PRKAG2: variants seen among roughly 807,000 people sequenced by gnomAD.
PRKAG2 encodes the protein 5'-AMP-activated protein kinase subunit gamma-2.
Under a neutral mutation model 69.6 loss-of-function variants are expected in PRKAG2, and 26 were observed. The observed-to-expected ratio is 0.37, with a 90% CI of 0.27 to 0.52. PRKAG2 has a LOEUF of 0.52. PRKAG2 is among the 20% of genes least tolerant of loss of function. PRKAG2 has a pLI of 0.90. For synonymous variants in PRKAG2, 293 were observed against 285.0 expected, an observed-to-expected ratio of 1.03 and a Z score of -0.28; for missense variants, 557 against 740.0, an observed-to-expected ratio of 0.75 and a Z score of 2.87.
intron 1 of PRKAG2, among the ~76,000 whole-genome samples, chr7:151,816,417 T>G (rs1042700595): frequency 6.6e-6 from 1 of 152,156 alleles, no homozygotes; most frequent in African/African-American, 2.4e-5. Context: ...ATATTCTGTG[T>G]CAACAACCCA....
At chr7:151,810,077 T>A (rs539022380) in intron 1 of PRKAG2, 1 of 152,246 alleles carries the variant, frequency 6.6e-6, no homozygotes, top group African/African-American at 2.4e-5. Flanking sequence ...AAGATAATAT[T>A]TTGTTTCCTT....
intron 1 of PRKAG2, among the ~76,000 whole-genome samples, chr7:151,865,242 C>T (rs1226483734): frequency 6.6e-6 from 1 of 152,228 alleles, no homozygotes; most frequent in Non-Finnish European, 1.5e-5. Flanking sequence ...GGACACACGG[C>T]CCAGTTGTCC....
rs2078593288 is a variant in PRKAG2, at chr7:151,814,822, G to A, written c.115-28281C>T. 1 of 1,231,850 alleles carries A rather than the reference G, an allele frequency of 8.1e-7. No homozygotes were observed. The highest frequency in any genetic ancestry group is 1.0e-6 in the Non-Finnish European group (1 of 988,028). 76.3% of individuals were successfully genotyped at this position (1,231,850 alleles called of 1,614,324 possible). ...GGCAGATTCCCCCATTGACGGGACT[G>A]CAGCAAACTGTCATTCCCACCTGTG... On this transcript the variant is annotated intron_variant, in intron 1 of 15. Transcript: ENST00000287878. The surrounding 1 kb of genome is among the most constrained non-coding windows in gnomAD (Gnocchi z 4.8).
intron 5 of PRKAG2, among the ~76,000 whole-genome samples, chr7:151,609,331 G>A (rs796735261): frequency 1.4e-4 from 21 of 152,224 alleles, no homozygotes; most frequent in African/African-American, 5.1e-4. Context: ...GTTGTAAGAC[G>A]GTGTAATTCT....
chr7:151,755,931 C>T (rs2151746948), intron 3 of PRKAG2, among the ~76,000 whole-genome samples: 1 of 152,318 alleles, frequency 6.6e-6, no homozygotes. Flanking sequence ...CACCTGTGCA[C>T]ACCATGAGGT....
chr7:151,874,153 TATG>T (rs1231800224), intron 1 of PRKAG2, among the ~76,000 whole-genome samples: 1 of 133,450 alleles, frequency 7.5e-6, no homozygotes. Context: ...TGTATATGTA[TATG>T]ATGTATATGT....
rs1239992123 is a variant in PRKAG2, at chr7:151,807,332, A to G, written c.115-20791T>C. On this transcript the variant is annotated intron_variant, in intron 1 of 15. Coordinates refer to ENST00000287878, the MANE Select transcript of PRKAG2 (RefSeq NM_016203.4). The surrounding 1 kb of genome is among the most constrained non-coding windows in gnomAD (Gnocchi z 4.4). ...CTACAGAACGTGGGAAAATGCCTAT[A>G]TTAAGAATCCTGGAATACTCCATGT... is the stretch of plus-strand genomic sequence containing the variant. 3 of 438,418 alleles carry G rather than the reference A, an allele frequency of 6.8e-6. No homozygotes were observed. The highest frequency in any genetic ancestry group is 2.4e-5 in the Admixed American group (1 of 41,614). The allele number at this position is 438,418 out of a possible 1,614,324, so 27.2% of individuals were successfully genotyped here.
chr7:151,806,060 C>T (rs1228604909), intron 1 of PRKAG2, among the ~76,000 whole-genome samples: 1 of 152,144 alleles, frequency 6.6e-6, no homozygotes, highest in Non-Finnish European at 1.5e-5. Context: ...GTGGTGGTGG[C>T]CGCCTGTAGT....
chr7:151,785,185 C>G lies in PRKAG2; in HGVS notation c.186+1285G>C, dbSNP rs374425789. On this transcript the variant is annotated intron_variant, in intron 2 of 15. Transcript: ENST00000287878. ...GCGGAGCAGAGCTCTGCCTATGGGG[C>G]CATTTGTCATGCAGCTGCCAGAGAG... Among the ~76,000 whole-genome samples, 13 of 152,386 alleles carry G rather than the reference C, an allele frequency of 8.5e-5. No individual in the cohort carries two copies. The East Asian group carries it at 2.1e-3, about 25-fold the overall frequency.
chr7:151,575,629 CA>C (rs750783903), intron 7 of PRKAG2, among the ~76,000 whole-genome samples: 3 of 152,132 alleles, frequency 2.0e-5, no homozygotes, highest in Non-Finnish European at 4.4e-5. Flanking sequence ...GTCATGTTTA[CA>C]GCATCTAATT....
chr7:151,563,871 C>T (rs570060761), intron 14 of PRKAG2, among the ~76,000 whole-genome samples: 1 of 152,328 alleles, frequency 6.6e-6, no homozygotes, highest in South Asian at 2.1e-4. Context: ...AGGACTTTTC[C>T]ATTCAATTCA....
At chr7:151,876,467 A>C in intron 1 of PRKAG2, 40 bp downstream of exon 1, 1 of 1,564,976 alleles carries the variant, frequency 6.4e-7, no homozygotes, top group East Asian at 2.3e-5. Flanking sequence ...CGGGAGCGAC[A>C]GGAGGGCTGG....
At chr7:151,691,579 A>T (rs1428687682) in intron 3 of PRKAG2, among the ~76,000 whole-genome samples, 3 of 152,186 alleles carry the variant, frequency 2.0e-5, no homozygotes, top group African/African-American at 7.2e-5. Flanking sequence ...CACCATCATT[A>T]ATCTTTAGGG....
chr7:151,810,469 G>A (rs1015144160), intron 1 of PRKAG2: 1 of 152,242 alleles, frequency 6.6e-6, no homozygotes, highest in African/African-American at 2.4e-5. Context: ...AAAAGAAAAG[G>A]AAAGCCAAGT....
At chr7:151,700,918 C>T (rs978328271) in intron 3 of PRKAG2, among the ~76,000 whole-genome samples, 6 of 152,246 alleles carry the variant, frequency 3.9e-5, no homozygotes, top group East Asian at 1.9e-4. Flanking sequence ...CCGGGAAATC[C>T]GAGCAGGGAT....
chr7:151,819,534 C>T (rs895751845), intron 1 of PRKAG2, among the ~76,000 whole-genome samples: 1 of 152,204 alleles, frequency 6.6e-6, no homozygotes, highest in African/African-American at 2.4e-5. Flanking sequence ...CCCCCTGCCC[C>T]TCCCTGGGTA....
chr7:151,798,899 C>T (rs1226786245), intron 1 of PRKAG2, among the ~76,000 whole-genome samples: 1 of 152,126 alleles, frequency 6.6e-6, no homozygotes, highest in Non-Finnish European at 1.5e-5. Flanking sequence ...GATTCCCTCC[C>T]TCCTCACCTC....
In PRKAG2 at chr7:151,632,223, G is replaced by T; in HGVS notation, c.685-85C>A. On this transcript the variant is annotated intron_variant, in intron 4 of 15. Coordinates refer to ENST00000287878, the MANE Select transcript of PRKAG2 (RefSeq NM_016203.4). This position sits in a 1 kb window ranked among gnomAD's most constrained non-coding sequence, Gnocchi z 4.2. ...GGGCTCGCGGCCGGCCGAGCGCTGG[G>T]GCCTGGCTCTGCCGCGCCGCCGGGA... The T allele has an allele frequency of 9.0e-7, 1 of 1,114,024 alleles. No homozygotes were observed. Among genetic ancestry groups the T allele is most frequent in the East Asian group, 4.7e-5 (1 of 21,190 alleles). The allele number at this position is 1,114,024 out of a possible 1,614,324, so 69.0% of individuals were successfully genotyped here. A position where few individuals can be genotyped will look rare whatever the true frequency, so the allele number is the denominator to read the frequency against.
intron 3 of PRKAG2, among the ~76,000 whole-genome samples, chr7:151,775,108 G>A (rs970018873): frequency 2.6e-5 from 4 of 152,254 alleles, no homozygotes; most frequent in Non-Finnish European, 4.4e-5. Flanking sequence ...GTTGGGCCAC[G>A]TGTGATGAGG....
Sources: allele counts gnomAD v4.1 joint callset (sites outside exome capture counted in the v4.1 genomes callset), GRCh38; gene constraint gnomAD v4.1.1; non-coding constraint Gnocchi (gnomAD v3.1); transcripts MANE v1.5; gene names NCBI Gene and HGNC (gene_info 2026-07-23, HGNC 2026-07-21).